Variants in ARHGEF28 observed in about 807,000 individuals in gnomAD.
ARHGEF28 encodes 190 kDa guanine nucleotide exchange factor.
A neutral mutation model predicts 206.6 loss-of-function variants in ARHGEF28; 152 were observed. That is an observed-to-expected ratio of 0.74 (90% CI 0.64 to 0.84). ARHGEF28 has a LOEUF of 0.84. ARHGEF28 is among the 40% of genes least tolerant of loss of function. The pLI is 0.00. For synonymous variants in ARHGEF28, 763 were observed against 776.4 expected, an observed-to-expected ratio of 0.98 and a Z score of 0.29; for missense variants, 2,028 against 2,073.2, an observed-to-expected ratio of 0.98 and a Z score of 0.42.
intron 4 of ARHGEF28, among the ~76,000 whole-genome samples, chr5:73,769,175 C>T (rs1483618356): frequency 6.6e-6 from 1 of 152,064 alleles, no homozygotes; most frequent in Non-Finnish European, 1.5e-5. Context: ...AAATATTTTA[C>T]CCTGTGTCTG....
chr5:73,757,879 T>C (rs911120105), intron 4 of ARHGEF28, among the ~76,000 whole-genome samples: 1 of 152,218 alleles, frequency 6.6e-6, no homozygotes, highest in Non-Finnish European at 1.5e-5. Flanking sequence ...TTTTATTTTT[T>C]TGTTTTGGGT....
At chr5:73,869,145 C>A (rs1759904351) in intron 20 of ARHGEF28, among the ~76,000 whole-genome samples, 1 of 133,350 alleles carries the variant, frequency 7.5e-6, no homozygotes, top group African/African-American at 2.8e-5. Context: ...ATTTGTACTG[C>A]TTTGAGCTGG....
rs1320931727 is a variant in ARHGEF28, at chr5:73,773,961, A to G, written c.582A>G (p.Leu194=). The change falls in exon 5 of 36, where the codon TTA becomes TTG. Residue 194 remains leucine, a synonymous_variant. Transcript: ENST00000513042. ...CLPGGVQALA[L]PNEEGATPLD... ...CGGGGGGAGTCCAGGCCTTGGCTTT[A>G]CCCAACGAAGAGGGTGCCACACCAT... The G allele has an allele frequency of 3.1e-6, 5 of 1,607,128 alleles. No individual in the cohort carries two copies. Among genetic ancestry groups the G allele is most frequent in the African/African-American group, 1.3e-5 (1 of 74,834 alleles).
chr5:73,799,966 G>GAT (rs2112495338), intron 9 of ARHGEF28, among the ~76,000 whole-genome samples: 1 of 152,216 alleles, frequency 6.6e-6, no homozygotes, highest in South Asian at 2.1e-4. Flanking sequence ...TGCAAGAGAA[G>GAT]ATATTAAGCA....
At chr5:73,897,468 T>G (rs962948438) in intron 29 of ARHGEF28, among the ~76,000 whole-genome samples, 4 of 152,244 alleles carry the variant, frequency 2.6e-5, no homozygotes, top group African/African-American at 9.6e-5. Context: ...TTTCTAAAGA[T>G]AAGTGTAGGG....
At chr5:73,847,629 A>T (rs1312499470) in intron 12 of ARHGEF28, among the ~76,000 whole-genome samples, 5 of 152,228 alleles carry the variant, frequency 3.3e-5, no homozygotes, top group African/African-American at 1.2e-4. Context: ...ATGAAAAATA[A>T]TCCAGTCTCT....
intron 1 of ARHGEF28, among the ~76,000 whole-genome samples, chr5:73,681,086 GC>G (rs1159895666): frequency 1.2e-4 from 8 of 64,274 alleles, no homozygotes; most frequent in Non-Finnish European, 1.9e-4. Context: ...CTATAGTAAT[GC>G]ATTTTTTTTT....
At position 73,646,969 on chromosome 5, in the gene ARHGEF28, C is replaced by T. The variant is rs192408019; in HGVS notation, c.-12+20647C>T. 5.8e-4 allele frequency among the ~76,000 whole-genome samples: 88 copies of T among 152,286 alleles called. No homozygotes were observed. The Middle Eastern group carries it at 0.01, about 18-fold the overall frequency. ...CAGCTGGCTCACCACCACTTGTCTG[C>T]GTCTTGCCAGTAAGAACAGAGAAGG... On this transcript the variant is annotated intron_variant, in intron 1 of 35. Coordinates refer to ENST00000513042, the MANE Select transcript of ARHGEF28 (RefSeq NM_001177693.2).
In ARHGEF28 at chr5:73,776,591, A is replaced by G. The variant is rs1463994395; in HGVS notation, c.735A>G (p.Ser245=). 2 of 1,613,902 alleles carry G rather than the reference A, an allele frequency of 1.2e-6. No homozygotes were observed. The highest frequency in any genetic ancestry group is 1.7e-5 in the Admixed American group (1 of 60,014). Residue 245 remains serine (S), a synonymous_variant, in exon 6 of 36, where the codon TCA becomes TCG. Coordinates refer to ENST00000513042, the MANE Select transcript of ARHGEF28 (RefSeq NM_001177693.2). ...AAGCCTCCTTGCATTACATTCACTC[A>G]TCGGAAACGCTGACCCTGACCCTGA... is the stretch of plus-strand genomic sequence containing the variant. ...SEEASLHYIH[S]SETLTLTLNH... is the part of the protein sequence containing the mutation.
intron 21 of ARHGEF28, among the ~76,000 whole-genome samples, chr5:73,872,507 A>AT (rs1443871995): frequency 7.9e-5 from 12 of 152,148 alleles, no homozygotes; most frequent in African/African-American, 2.7e-4. Context: ...AGAAAGTGGA[A>AT]TTTTGGAGAC....
intron 1 of ARHGEF28, among the ~76,000 whole-genome samples, chr5:73,642,521 T>C (rs2112142946): frequency 6.6e-6 from 1 of 152,236 alleles, no homozygotes; most frequent in African/African-American, 2.4e-5. Flanking sequence ...ATTCCAGGAG[T>C]CTGTTTGCAT....
At chr5:73,766,913 A>G (rs538979393) in intron 4 of ARHGEF28, among the ~76,000 whole-genome samples, 40 of 152,160 alleles carry the variant, frequency 2.6e-4, no homozygotes, top group Non-Finnish European at 5.3e-4. Flanking sequence ...TCCCCACCCA[A>G]ATCTCACCTT....
chr5:73,773,379 G>A (rs1184856565), intron 4 of ARHGEF28, among the ~76,000 whole-genome samples: 2 of 152,120 alleles, frequency 1.3e-5, no homozygotes, highest in East Asian at 3.8e-4. Context: ...TTTCTCTTGC[G>A]GCTTCTTATC....
At chr5:73,661,651 A>G (rs890622229) in intron 1 of ARHGEF28, among the ~76,000 whole-genome samples, 6 of 152,076 alleles carry the variant, frequency 3.9e-5, no homozygotes, top group Non-Finnish European at 8.8e-5. Flanking sequence ...TAATTGGCCT[A>G]ATTTCAATAT....
At chr5:73,725,124 C>T (rs78526979) in intron 2 of ARHGEF28, among the ~76,000 whole-genome samples, 4,236 of 152,158 alleles carry the variant, frequency 0.028, 185 homozygotes, top group African/African-American at 0.096. Flanking sequence ...AATCTATTTA[C>T]CAATTGTTTG....
intron 4 of ARHGEF28, among the ~76,000 whole-genome samples, chr5:73,769,986 G>A (rs910667687): frequency 7.9e-5 from 12 of 152,176 alleles, no homozygotes; most frequent in Admixed American, 7.2e-4. Flanking sequence ...CTACATTTGA[G>A]AGGTTAATTT....
chr5:73,922,025 A>G (rs1015685682), intron 35 of ARHGEF28, among the ~76,000 whole-genome samples: 1 of 152,200 alleles, frequency 6.6e-6, no homozygotes, highest in Non-Finnish European at 1.5e-5. Context: ...ATGCTCAAAG[A>G]CTTCCTCATG....
chr5:73,880,893 C>T (rs1442569111), intron 22 of ARHGEF28, among the ~76,000 whole-genome samples: 1 of 151,976 alleles, frequency 6.6e-6, no homozygotes, highest in African/African-American at 2.4e-5. Context: ...GATCCTTCTC[C>T]TGCACTCCAG....
At chr5:73,796,181 C>T (rs1487248330) in intron 9 of ARHGEF28, among the ~76,000 whole-genome samples, 1 of 152,164 alleles carries the variant, frequency 6.6e-6, no homozygotes, top group Non-Finnish European at 1.5e-5. Context: ...TCAGCAGAGG[C>T]TGAGTTTGGG....
Sources: gnomAD v4.1 joint callset for allele counts (sites outside exome capture counted in the v4.1 genomes callset) on GRCh38, gnomAD v4.1.1 for gene constraint, MANE v1.5 for transcripts, NCBI Gene and HGNC (gene_info 2026-07-23, HGNC 2026-07-21) for gene names.